The following RABEP1 variants were observed in gnomAD, a reference collection of about 807,000 sequenced individuals.
RABEP1 encodes rabaptin, RAB GTPase binding effector protein 1, also known as rab GTPase-binding effector protein 1.
Under a neutral mutation model 123.4 loss-of-function variants are expected in RABEP1, and 51 were observed. That is an observed-to-expected ratio of 0.41 (90% CI 0.33 to 0.52). The LOEUF (loss-of-function observed/expected upper bound fraction) is 0.52. RABEP1 is among the 20% of genes least tolerant of loss of function. The probability of loss-of-function intolerance (pLI) is 0.16; values close to 1 mark genes in which losing one functional copy is unlikely to be tolerated. For missense variants in RABEP1, 888 were observed against 996.3 expected (o/e 0.89, Z 1.46); for synonymous variants, 347 against 355.2 (o/e 0.98, Z 0.26).
chr17:5,366,896 C>G (rs1301642513), intron 11 of RABEP1, among the ~76,000 whole-genome samples: 1 of 151,522 alleles, frequency 6.6e-6, no homozygotes, highest in East Asian at 2.0e-4. Flanking sequence ...TTGAGACCAG[C>G]CTGACCAACA....
intron 6 of RABEP1, among the ~76,000 whole-genome samples, 155 bp from the exon 7 acceptor site, chr17:5,350,296 C>T (rs946304083): frequency 6.6e-6 from 1 of 151,974 alleles, no homozygotes; most frequent in East Asian, 1.9e-4. Context: ...AGGAGAATGG[C>T]GTGAACCCGG....
At chr17:5,345,931 G>A (rs9903367) in intron 5 of RABEP1, among the ~76,000 whole-genome samples, 93,230 of 152,062 alleles carry the variant, frequency 0.61, 30,298 homozygotes, top group East Asian at 0.96. Flanking sequence ...CTAAAGTGAC[G>A]TAATCCTTGA....
At chr17:5,315,006 G>A (rs2075282923) in intron 2 of RABEP1, among the ~76,000 whole-genome samples, 1 of 152,148 alleles carries the variant, frequency 6.6e-6, no homozygotes, top group Non-Finnish European at 1.5e-5. Context: ...TCAATTTGAC[G>A]AAAAATAGTA....
chr17:5,352,627 T>C (rs1908656285), intron 7 of RABEP1, among the ~76,000 whole-genome samples: 1 of 151,346 alleles, frequency 6.6e-6, no homozygotes, highest in Non-Finnish European at 1.5e-5. Context: ...GGTCAGGAGT[T>C]TGAGACCAGC....
At chr17:5,291,847 G>T (rs1159584886) in intron 1 of RABEP1, among the ~76,000 whole-genome samples, 2 of 152,222 alleles carry the variant, frequency 1.3e-5, no homozygotes, top group African/African-American at 4.8e-5. Flanking sequence ...GGAGTTTGCA[G>T]TGATCTGAGA....
In RABEP1 at chr17:5,374,640, ATTTTAT is replaced by A. The variant is rs938278653; in HGVS notation, c.2025+1197_2025+1202del. ...ATTTTTATTTTTTTTATTATTTTTT[ATTTTAT>A]TTTTATTTTTTGAGATGGAGTCTTG... is the stretch of plus-strand genomic sequence containing the variant. On this transcript the variant is annotated intron_variant, in intron 13 of 17. Coordinates refer to ENST00000537505, the MANE Select transcript of RABEP1 (RefSeq NM_004703.6). 2.8e-5 allele frequency among the ~76,000 whole-genome samples: 4 copies of A among 142,622 alleles called. 1 individual carries two copies. The highest frequency in any genetic ancestry group is 6.1e-5 in the Non-Finnish European group (4 of 65,620). 93.6% of individuals were successfully genotyped at this position (142,622 alleles called of 152,430 possible).
At chr17:5,366,213 T>C (rs1909986329) in intron 11 of RABEP1, among the ~76,000 whole-genome samples, 2 of 152,210 alleles carry the variant, frequency 1.3e-5, no homozygotes, top group Non-Finnish European at 2.9e-5. Context: ...GTGGCTTAGT[T>C]TGCATTTCTC....
chr17:5,285,105 T>G (rs1004157364), intron 1 of RABEP1, among the ~76,000 whole-genome samples: 2 of 152,076 alleles, frequency 1.3e-5, no homozygotes, highest in Non-Finnish European at 1.5e-5. Context: ...TTAAAAAAAG[T>G]TTTGGGTTTT....
At chr17:5,333,249 G>A (rs1906737452) in intron 3 of RABEP1, among the ~76,000 whole-genome samples, 1 of 152,004 alleles carries the variant, frequency 6.6e-6, no homozygotes, top group Non-Finnish European at 1.5e-5. Context: ...TGCAACCTCC[G>A]CCTTCCAGGT....
intron 17 of RABEP1, among the ~76,000 whole-genome samples, chr17:5,382,044 T>C (rs962069908): frequency 6.6e-6 from 1 of 151,810 alleles, no homozygotes; most frequent in Non-Finnish European, 1.5e-5. Flanking sequence ...ATTTAGAATA[T>C]TGTGCTAAAA....
At chr17:5,317,159 C>G (rs962768596) in intron 2 of RABEP1, among the ~76,000 whole-genome samples, 1 of 152,014 alleles carries the variant, frequency 6.6e-6, no homozygotes, top group African/African-American at 2.4e-5. Context: ...AGAAACTTAG[C>G]CCAGTATTAC....
intron 2 of RABEP1, among the ~76,000 whole-genome samples, chr17:5,329,852 G>A (rs1258683512): frequency 7.3e-6 from 1 of 137,042 alleles, no homozygotes; most frequent in East Asian, 2.0e-4. Context: ...TATAACTAAA[G>A]TTACTGTTGA....
intron 1 of RABEP1, among the ~76,000 whole-genome samples, chr17:5,293,588 G>A (rs966384002): frequency 6.6e-6 from 1 of 152,004 alleles, no homozygotes; most frequent in African/African-American, 2.4e-5. Context: ...TGTATTTTTT[G>A]TACAGACAGA....
At chr17:5,283,892 A>C (rs186296920) in intron 1 of RABEP1, 1 of 152,302 alleles carries the variant, frequency 6.6e-6, no homozygotes, top group African/African-American at 2.4e-5. Context: ...AGGAGAAGGG[A>C]AGGGAAGCAT....
intron 6 of RABEP1, among the ~76,000 whole-genome samples, chr17:5,347,145 C>A (rs1340086166): frequency 6.6e-6 from 1 of 152,192 alleles, no homozygotes; most frequent in Non-Finnish European, 1.5e-5. Flanking sequence ...TACAGTGGCT[C>A]ACTCCTATAA....
chr17:5,374,774 G>A (rs748419446), intron 13 of RABEP1, among the ~76,000 whole-genome samples: 25 of 152,120 alleles, frequency 1.6e-4, no homozygotes, highest in African/African-American at 5.3e-4. Flanking sequence ...TGAGTACTGG[G>A]ACAACAGGCG....
At chr17:5,327,833 A>G (rs75069598) in intron 2 of RABEP1, among the ~76,000 whole-genome samples, 4,936 of 152,322 alleles carry the variant, frequency 0.032, 81 homozygotes, top group Middle Eastern at 0.075. Flanking sequence ...GACAATTTTT[A>G]TAGAACAGAG....
intron 2 of RABEP1, among the ~76,000 whole-genome samples, chr17:5,313,448 C>T (rs951712538): frequency 2.0e-5 from 3 of 152,156 alleles, no homozygotes; most frequent in Admixed American, 1.3e-4. Flanking sequence ...TTCTTTTTCT[C>T]TGTCCCCAAT....
intron 11 of RABEP1, among the ~76,000 whole-genome samples, chr17:5,367,211 C>T (rs1910075624): frequency 6.6e-6 from 1 of 151,500 alleles, no homozygotes; most frequent in South Asian, 2.1e-4. Flanking sequence ...AGGTTTTATT[C>T]ACATTTATAT....
Sources: allele counts gnomAD v4.1 joint callset (sites outside exome capture counted in the v4.1 genomes callset), GRCh38; gene constraint gnomAD v4.1.1; transcripts MANE v1.5; gene names NCBI Gene and HGNC (gene_info 2026-07-23, HGNC 2026-07-21).